Variants in DLC1 observed in about 807,000 individuals in gnomAD.
The protein encoded by DLC1 is DLC1 Rho GTPase activating protein.
A neutral mutation model predicts 140.3 loss-of-function variants in DLC1; 54 were observed. The ratio of observed to expected loss-of-function variants is 0.38; its 90% confidence interval spans 0.31 to 0.48. DLC1 has a LOEUF of 0.48. DLC1 is among the 20% of genes least tolerant of loss of function. The pLI is 0.96. For missense variants in DLC1, 2,536 were observed against 1,907.0 expected (o/e 1.33, Z -6.14); for synonymous variants, 986 against 728.1 (o/e 1.35, Z -5.70).
At chr8:13,597,294 A>G (rs935078557) in intron 1 of DLC1, among the ~76,000 whole-genome samples, 4 of 152,058 alleles carry the variant, frequency 2.6e-5, no homozygotes, top group Non-Finnish European at 5.9e-5. Context: ...TTTTGAAGCT[A>G]GAAGAATGAC....
intron 9 of DLC1, 148 bp downstream of exon 9, chr8:13,099,199 T>A: frequency 7.0e-7 from 1 of 1,437,254 alleles, no homozygotes; most frequent in Non-Finnish European, 9.1e-7. Context: ...TCTTTGAATT[T>A]TGGTGCTTCC....
intron 1 of DLC1, among the ~76,000 whole-genome samples, chr8:13,586,000 G>C (rs747003501): frequency 6.6e-6 from 1 of 152,154 alleles, no homozygotes; most frequent in African/African-American, 2.4e-5. Context: ...TCATTGTAGA[G>C]TTATAGCTGA....
intron 2 of DLC1, among the ~76,000 whole-genome samples, chr8:13,478,674 A>G (rs1361418825): frequency 1.3e-5 from 2 of 152,208 alleles, no homozygotes; most frequent in Non-Finnish European, 2.9e-5. Flanking sequence ...CTCCTCAGGT[A>G]TCAATAATAT....
intron 5 of DLC1, among the ~76,000 whole-genome samples, chr8:13,204,562 C>G (rs1279561517): frequency 6.6e-6 from 1 of 151,984 alleles, no homozygotes; most frequent in African/African-American, 2.4e-5. Context: ...TTACTTCATA[C>G]ACACACACAG....
intron 5 of DLC1, among the ~76,000 whole-genome samples, chr8:13,303,722 A>C (rs1202570438): frequency 6.6e-6 from 1 of 152,132 alleles, no homozygotes; most frequent in East Asian, 1.9e-4. Flanking sequence ...GAATGGCTTG[A>C]ATCTGGGAGG....
At chr8:13,517,257 A>C (rs556947075), upstream of DLC1, among the ~76,000 whole-genome samples, 2 of 152,246 alleles carry the variant, frequency 1.3e-5, no homozygotes, top group Non-Finnish European at 2.9e-5. Context: ...GCTAATTCTT[A>C]GCTACATTTT....
chr8:13,585,969 A>C (rs1338422922), intron 1 of DLC1, among the ~76,000 whole-genome samples: 1 of 152,206 alleles, frequency 6.6e-6, no homozygotes, highest in Admixed American at 6.5e-5. Context: ...TATAATGCTT[A>C]GCCTTTCATT....
At chr8:13,573,667 C>T (rs563545828) in intron 1 of DLC1, among the ~76,000 whole-genome samples, 25 of 152,164 alleles carry the variant, frequency 1.6e-4, no homozygotes, top group Admixed American at 1.3e-3. Flanking sequence ...AAAAGTGTTT[C>T]GTATTTTGTC....
chr8:13,192,283 C>T (rs1407030568), intron 5 of DLC1, among the ~76,000 whole-genome samples: 1 of 151,876 alleles, frequency 6.6e-6, no homozygotes, highest in African/African-American at 2.4e-5. Context: ...AGGAAGGAGC[C>T]GAGTTTGTGA....
intron 12 of DLC1, 83 bp downstream of exon 12, chr8:13,094,676 A>G: frequency 1.3e-6 from 2 of 1,492,666 alleles, no homozygotes; most frequent in Non-Finnish European, 1.8e-6. Flanking sequence ...AAAAAAAAAA[A>G]GAATGCTATC....
At chr8:13,448,117 T>C (rs541860337) in intron 2 of DLC1, among the ~76,000 whole-genome samples, 20 of 152,280 alleles carry the variant, frequency 1.3e-4, no homozygotes, top group African/African-American at 4.8e-4. Context: ...AAACTACTTG[T>C]AGTCAAGTTG....
chr8:13,352,172 T>C (rs1729133), intron 4 of DLC1, among the ~76,000 whole-genome samples: 137,649 of 152,274 alleles, frequency 0.9, 62,299 homozygotes, highest in East Asian at 1. Flanking sequence ...ATTGTGATCC[T>C]TGTTGGCAGC....
At chr8:13,245,685 T>A (rs1297857710) in intron 5 of DLC1, among the ~76,000 whole-genome samples, 2 of 152,060 alleles carry the variant, frequency 1.3e-5, no homozygotes, top group Non-Finnish European at 2.9e-5. Context: ...AAAATTTTTT[T>A]ATTATTTTAT....
chr8:13,425,856 C>G (rs1838550824), intron 2 of DLC1, among the ~76,000 whole-genome samples: 1 of 152,124 alleles, frequency 6.6e-6, no homozygotes, highest in African/African-American at 2.4e-5. Context: ...CTCACTGTAG[C>G]CTTGACCTCC....
chr8:13,357,655 A>G (rs570101460), intron 4 of DLC1, among the ~76,000 whole-genome samples: 24 of 152,230 alleles, frequency 1.6e-4, no homozygotes, highest in Non-Finnish European at 2.6e-4. Context: ...TTACAAGAAG[A>G]GTGGTGAATT....
Position 13,090,394 on chromosome 8 carries a change from C to A in DLC1, c.3932G>T (p.Gly1311Val). 5 of 1,614,180 alleles carry A rather than the reference C, an allele frequency of 3.1e-6. No individual in the cohort carries two copies. Among genetic ancestry groups the A allele is most frequent in the Non-Finnish European group, 4.2e-6 (5 of 1,180,042 alleles). ...AGCTGAGTCATCATTACCCAGGTGCCCGAGTGCTTCCAGAGTGAGGGGCTT... is the reference window on the plus strand; with the variant it reads ...AGCTGAGTCATCATTACCCAGGTGCACGAGTGCTTCCAGAGTGAGGGGCTT... ...ELKPLTLEAL[G>V]HLGNDDSADY... The change falls in exon 15 of 18, where the codon GGG (glycine) becomes GTG (valine). Residue 1311 changes from glycine to valine, a missense_variant. Transcript: ENST00000276297.
chr8:13,564,025 A>G (rs1804337640), intron 1 of DLC1, among the ~76,000 whole-genome samples: 1 of 152,184 alleles, frequency 6.6e-6, no homozygotes, highest in East Asian at 1.9e-4. Context: ...AAGTCAGAAT[A>G]TAGGTAGCTT....
rs541527526 is a variant in DLC1 at position 13,413,687 on chromosome 8, C to A, written c.1024-12068G>T. ...GATAGTGCTTGACTTCTCACACGAT[C>A]TGATGGTTTTAAACGTGGTGTTTTC... is the stretch of plus-strand genomic sequence containing the variant. On this transcript the variant is annotated intron_variant, in intron 2 of 17. Transcript: ENST00000276297. 3.3e-5 allele frequency among the ~76,000 whole-genome samples: 5 copies of A among 152,160 alleles called. No homozygotes were observed. In the South Asian group the frequency reaches 1.0e-3, roughly 32 times the overall value.
chr8:13,227,568 G>T (rs1263374746), intron 5 of DLC1, among the ~76,000 whole-genome samples: 1 of 152,088 alleles, frequency 6.6e-6, no homozygotes, highest in Admixed American at 6.5e-5. Flanking sequence ...TAGGGTCTAT[G>T]GTCACACAGT....
Sources: allele counts gnomAD v4.1 joint callset (sites outside exome capture counted in the v4.1 genomes callset), GRCh38; gene constraint gnomAD v4.1.1; transcripts MANE v1.5; gene names NCBI Gene and HGNC (gene_info 2026-07-23, HGNC 2026-07-21).